The following PLCL2 variants were observed in gnomAD, a reference collection of about 807,000 sequenced individuals.
The protein encoded by PLCL2 is phospholipase C like 2.
A neutral mutation model predicts 79.6 loss-of-function variants in PLCL2; 4 were observed. The observed-to-expected ratio is 0.05, with a 90% CI of 0.02 to 0.11. The LOEUF is 0.11. Among genes scored for constraint, PLCL2 ranks in the 10% least tolerant of loss-of-function variants. The pLI is 1.00. For missense variants in PLCL2, 895 were observed against 1,291.0 expected (o/e 0.69, Z 4.70); for synonymous variants, 484 against 457.7 (o/e 1.06, Z -0.73).
At chr3:17,050,746 A>T (rs1227583506) in intron 4 of PLCL2, among the ~76,000 whole-genome samples, 2 of 152,182 alleles carry the variant, frequency 1.3e-5, no homozygotes, top group Admixed American at 1.3e-4. Context: ...AGGTTCCTCA[A>T]AAAAACTAAA....
intron 3 of PLCL2, among the ~76,000 whole-genome samples, chr3:17,034,336 C>T (rs2064619485): frequency 6.6e-6 from 1 of 152,024 alleles, no homozygotes; most frequent in East Asian, 1.9e-4. Context: ...CTCTGGCCAC[C>T]TTTGATAAGT....
intron 1 of PLCL2, among the ~76,000 whole-genome samples, chr3:16,999,664 C>T (rs1389024816): frequency 2.0e-5 from 3 of 152,174 alleles, no homozygotes; most frequent in Non-Finnish European, 4.4e-5. Context: ...CATAGTATTT[C>T]TGTGGGTGAT....
intron 1 of PLCL2, among the ~76,000 whole-genome samples, chr3:16,929,252 T>C (rs1055315214): frequency 1.3e-5 from 2 of 152,096 alleles, no homozygotes; most frequent in Non-Finnish European, 2.9e-5. Flanking sequence ...CACTAGGACT[T>C]GTCTCAGAGC....
At position 16,950,373 on chromosome 3, in the gene PLCL2, G is replaced by A. The variant is rs376261442; in HGVS notation, c.328-59301G>A. Among the ~76,000 whole-genome samples, 5 of 151,988 alleles carry A rather than the reference G, an allele frequency of 3.3e-5. No individual in the cohort carries two copies. The East Asian group carries it at 5.8e-4, about 18-fold the overall frequency. Reference sequence around the variant, plus strand: ...GCATTTTAAATTGTTATTTTGAATGGGATTTATTTCTAAGTTTTTTAAATT... The same window carrying A: ...GCATTTTAAATTGTTATTTTGAATGAGATTTATTTCTAAGTTTTTTAAATT... On this transcript the variant is annotated intron_variant, in intron 1 of 5. Coordinates refer to ENST00000615277, the MANE Select transcript of PLCL2 (RefSeq NM_001144382.2).
At chr3:16,999,842 C>T (rs1271286598) in intron 1 of PLCL2, among the ~76,000 whole-genome samples, 2 of 152,014 alleles carry the variant, frequency 1.3e-5, no homozygotes, top group African/African-American at 2.4e-5. Flanking sequence ...TCATTTCTTC[C>T]CTGTTTCCCA....
chr3:16,961,712 C>T lies in PLCL2; in HGVS notation c.328-47962C>T, dbSNP rs2063755746. Among the ~76,000 whole-genome samples the T allele has an allele frequency of 2.0e-5, 3 of 152,198 alleles. No homozygotes were observed. In the South Asian group the frequency reaches 6.2e-4, roughly 32 times the overall value. Reference sequence around the variant, plus strand: ...AGAGGAAGCATTCTCATTTTGATGCCTTCTATTCTAGGTGAAGTAAGAGAC... The same window carrying T: ...AGAGGAAGCATTCTCATTTTGATGCTTTCTATTCTAGGTGAAGTAAGAGAC... On this transcript the variant is annotated intron_variant, in intron 1 of 5. Coordinates refer to ENST00000615277, the MANE Select transcript of PLCL2 (RefSeq NM_001144382.2).
chr3:16,941,236 A>T (rs995328761), intron 1 of PLCL2, among the ~76,000 whole-genome samples: 2 of 152,060 alleles, frequency 1.3e-5, no homozygotes, highest in Admixed American at 6.5e-5. Flanking sequence ...GGGATATCTC[A>T]TGTCTCCTTC....
At chr3:16,996,374 C>G (rs1469976964) in intron 1 of PLCL2, among the ~76,000 whole-genome samples, 1 of 152,002 alleles carries the variant, frequency 6.6e-6, no homozygotes, top group African/African-American at 2.4e-5. Context: ...GAGAGTAGAC[C>G]ACCCTCTTCC....
intron 1 of PLCL2, among the ~76,000 whole-genome samples, chr3:16,950,322 T>A (rs1490910621): frequency 2.0e-5 from 3 of 152,190 alleles, no homozygotes; most frequent in African/African-American, 7.2e-5. Context: ...TTTTATCTAT[T>A]TTTTCTTAAC....
At chr3:16,991,899 C>T (rs1203694351) in intron 1 of PLCL2, among the ~76,000 whole-genome samples, 2 of 152,128 alleles carry the variant, frequency 1.3e-5, no homozygotes, top group Non-Finnish European at 2.9e-5. Context: ...GTGAATTTTA[C>T]CATCATATTT....
In PLCL2 at chr3:16,886,838, A is replaced by G. The variant is rs760805384; in HGVS notation, c.327+1472A>G. Reference sequence around the variant, plus strand: ...TGACATTTCTGTTTTTATTTGTCATAAAATATTTGTGGTGATTTTGCATTG... The same window carrying G: ...TGACATTTCTGTTTTTATTTGTCATGAAATATTTGTGGTGATTTTGCATTG... On this transcript the variant is annotated intron_variant, in intron 1 of 5. Transcript: ENST00000615277. This position sits in a 1 kb window ranked among gnomAD's most constrained non-coding sequence, Gnocchi z 4.2. 1.3e-5 allele frequency among the ~76,000 whole-genome samples: 2 copies of G among 152,244 alleles called. No individual in the cohort carries two copies. Among genetic ancestry groups the G allele is most frequent in the Non-Finnish European group, 2.9e-5 (2 of 68,046 alleles).
At chr3:17,044,926 G>A (rs894734883) in intron 4 of PLCL2, among the ~76,000 whole-genome samples, 1 of 152,118 alleles carries the variant, frequency 6.6e-6, no homozygotes, top group African/African-American at 2.4e-5. Flanking sequence ...TAGGATGGGG[G>A]GAGAATAACC....
intron 1 of PLCL2, among the ~76,000 whole-genome samples, chr3:16,990,796 T>G (rs1207901284): frequency 6.6e-6 from 1 of 152,180 alleles, no homozygotes; most frequent in Non-Finnish European, 1.5e-5. Context: ...GAGCATTGAG[T>G]CACTCGGGGT....
intron 1 of PLCL2, among the ~76,000 whole-genome samples, chr3:17,007,007 A>C (rs1041025187): frequency 6.6e-6 from 1 of 152,240 alleles, no homozygotes; most frequent in African/African-American, 2.4e-5. Context: ...AAAATACTAT[A>C]TATTTCTTAA....
chr3:17,072,621 A>G (rs1324491671), intron 5 of PLCL2, among the ~76,000 whole-genome samples: 1 of 151,322 alleles, frequency 6.6e-6, no homozygotes, highest in Non-Finnish European at 1.5e-5. Flanking sequence ...GTGAGCCAAG[A>G]TCATGCCACT....
chr3:16,958,569 G>A (rs371378833), intron 1 of PLCL2, among the ~76,000 whole-genome samples: 1 of 152,120 alleles, frequency 6.6e-6, no homozygotes, highest in Non-Finnish European at 1.5e-5. Context: ...CATTTTGGAT[G>A]ATGAAACAAA....
At chr3:16,994,895 G>C (rs73039077) in intron 1 of PLCL2, among the ~76,000 whole-genome samples, 25,346 of 152,174 alleles carry the variant, frequency 0.17, 2,637 homozygotes, top group Non-Finnish European at 0.24. Context: ...GGCTATACAG[G>C]CATCGTGATG....
At chr3:16,941,513 G>A (rs777396748) in intron 1 of PLCL2, among the ~76,000 whole-genome samples, 10 of 152,084 alleles carry the variant, frequency 6.6e-5, no homozygotes, top group Non-Finnish European at 1.0e-4. Flanking sequence ...CCCATGCATC[G>A]CCTGTCACAG....
At chr3:17,085,384 C>T (rs552687642) in intron 5 of PLCL2, among the ~76,000 whole-genome samples, 1 of 152,086 alleles carries the variant, frequency 6.6e-6, no homozygotes, top group African/African-American at 2.4e-5. Context: ...GCCTTAGCCT[C>T]CCAAAGTGCT....
Sources: gnomAD v4.1 joint callset for allele counts (sites outside exome capture counted in the v4.1 genomes callset) on GRCh38, gnomAD v4.1.1 for gene constraint, Gnocchi (gnomAD v3.1) non-coding constraint, MANE v1.5 for transcripts, NCBI Gene and HGNC (gene_info 2026-07-23, HGNC 2026-07-21) for gene names.